Variants in PLVAP observed in about 807,000 individuals in gnomAD.
The protein encoded by PLVAP is plasmalemma vesicle-associated protein.
In PLVAP, 34 loss-of-function variants were observed where a neutral mutation model predicts 43.1. The ratio of observed to expected loss-of-function variants is 0.79; its 90% CI spans 0.60 to 1.05. The LOEUF is 1.05. Among genes scored for constraint, PLVAP ranks in the 50% least tolerant of loss-of-function variants. PLVAP has a pLI of 0.00. For missense variants in PLVAP, 574 were observed against 593.4 expected, an observed-to-expected ratio of 0.97 and a Z score of 0.34; for synonymous variants, 241 against 237.3, an observed-to-expected ratio of 1.02 and a Z score of -0.14.
At chr19:17,371,272 A>G (rs2074571087) in intron 1 of PLVAP, among the ~76,000 whole-genome samples, 1 of 149,662 alleles carries the variant, frequency 6.7e-6, no homozygotes, top group African/African-American at 2.5e-5. Flanking sequence ...AGTGATTCTC[A>G]TGCCTCAGCC....
Position 17,365,362 on chromosome 19 carries a change from T to C in PLVAP, c.1103A>G (p.Lys368Arg). The change falls in exon 3 of 6, where the codon AAG becomes AGG. Residue 368 changes from lysine to arginine, a missense_variant. Lys to Arg is a conservative substitution (Grantham distance 26, BLOSUM62 2). Transcript: ENST00000252590. ...RDNLAKELEEKKREAEQLRME... is the reference protein window; with the variant it reads ...RDNLAKELEERKREAEQLRME... The stretch of plus-strand genomic sequence containing the variant: ...CCTGAGCTGCTCCGCCTCCCTCTTC[T>C]TCTCTTCCAGCTCCTTGGCCAGGTT... 1 of 1,613,438 alleles carries C rather than the reference T, an allele frequency of 6.2e-7. No homozygotes were observed. The highest frequency in any genetic ancestry group is 1.6e-4 in the Middle Eastern group (1 of 6,062).
chr19:17,367,091 C>T (rs999562905), intron 1 of PLVAP, among the ~76,000 whole-genome samples: 3 of 151,410 alleles, frequency 2.0e-5, no homozygotes, highest in Non-Finnish European at 4.4e-5. Flanking sequence ...TACAGGTATG[C>T]GCCACCACTC....
intron 1 of PLVAP, among the ~76,000 whole-genome samples, chr19:17,373,305 C>T (rs558044167): frequency 9.2e-5 from 14 of 151,716 alleles, no homozygotes; most frequent in African/African-American, 2.4e-4. Context: ...TGCTTTGCCC[C>T]GGGGTTTTGG....
rs2074550042 is a variant in PLVAP, at chr19:17,366,312, G to T, written c.370-117C>A. The T allele has an allele frequency of 1.7e-5, 15 of 888,338 alleles. No individual in the cohort carries two copies. The South Asian group carries it at 2.3e-4, about 14-fold the overall frequency. The allele number at this position is 888,338 out of a possible 1,614,324, so 55.0% of individuals were successfully genotyped here. A position where few individuals can be genotyped will look rare whatever the true frequency, so the allele number is the denominator to read the frequency against. ...AGTGAGCTGAGTTCACAAGGGCATG[G>T]TCCCTTTATGAGGGAATGTTAGAAG... is the stretch of plus-strand genomic sequence containing the variant. On this transcript the variant is annotated intron_variant, in intron 1 of 5. Transcript: ENST00000252590.
chr19:17,352,350 C>T lies in PLVAP; in HGVS notation c.*12G>A, dbSNP rs374807851. The T allele has an allele frequency of 6.8e-6, 11 of 1,613,582 alleles. No homozygotes were observed. In the East Asian group the frequency reaches 8.9e-5, roughly 13 times the overall value. ...GTCGGGCCATCCCTTGGTCCTCAGG[C>T]CTGGAGCCTCCTCAGCCACTAGGGC... On this transcript the variant is annotated 3_prime_UTR_variant, in exon 6 of 6. Transcript: ENST00000252590.
chr19:17,361,955 G>A (rs1186848588), intron 3 of PLVAP, among the ~76,000 whole-genome samples: 5 of 151,880 alleles, frequency 3.3e-5, no homozygotes, highest in Admixed American at 6.6e-5. Flanking sequence ...GCCTGGTGGC[G>A]GGCACCTGTA....
chr19:17,375,648 G>A (rs531225531), intron 1 of PLVAP, among the ~76,000 whole-genome samples: 26 of 152,092 alleles, frequency 1.7e-4, no homozygotes, highest in African/African-American at 5.5e-4. Flanking sequence ...ATGGGAGGCC[G>A]AGGTGGGTGG....
intron 5 of PLVAP, among the ~76,000 whole-genome samples, chr19:17,356,973 C>G (rs2074509175): frequency 1.3e-5 from 2 of 151,046 alleles, no homozygotes; most frequent in Admixed American, 1.3e-4. Context: ...AACAAAAAAA[C>G]AAAAGAAGAA....
chr19:17,375,736 G>GC (rs1464051806), intron 1 of PLVAP, among the ~76,000 whole-genome samples: 3 of 152,110 alleles, frequency 2.0e-5, no homozygotes, highest in African/African-American at 7.2e-5. Flanking sequence ...ACAAAAATTA[G>GC]CTGGCATGGT....
At position 17,364,905 on chromosome 19, in the gene PLVAP, T is replaced by C. The variant is rs142057936; in HGVS notation, c.1179+381A>G. On this transcript the variant is annotated intron_variant, in intron 3 of 5. Transcript: ENST00000252590. ...CTCCTGCTTCAGCCTCCTGAGTAGC[T>C]GGGATTACAGGTGCCCGCCACCACG... Among the ~76,000 whole-genome samples, 387 of 151,486 alleles carry C rather than the reference T, an allele frequency of 2.6e-3. 4 individuals are homozygous for C. Among genetic ancestry groups the C allele is most frequent in the African/African-American group, 8.9e-3 (369 of 41,254 alleles).
chr19:17,357,444 CTT>C (rs1776860818), intron 5 of PLVAP, among the ~76,000 whole-genome samples: 1 of 152,074 alleles, frequency 6.6e-6, no homozygotes, highest in Non-Finnish European at 1.5e-5. Flanking sequence ...AGGAAGATCA[CTT>C]GAGGCCAGGA....
intron 1 of PLVAP, among the ~76,000 whole-genome samples, chr19:17,369,764 G>A (rs562456086): frequency 2.0e-5 from 3 of 151,480 alleles, no homozygotes; most frequent in African/African-American, 7.3e-5. Flanking sequence ...ACTTTGGGAG[G>A]CCAAGACAGG....
At chr19:17,368,855 G>A (rs74536269) in intron 1 of PLVAP, among the ~76,000 whole-genome samples, 31,880 of 152,050 alleles carry the variant, frequency 0.21, 3,885 homozygotes, top group East Asian at 0.34. Flanking sequence ...GTGGGCACCC[G>A]TAATCTCAGC....
chr19:17,370,446 A>G (rs904456497), intron 1 of PLVAP, among the ~76,000 whole-genome samples: 1 of 152,350 alleles, frequency 6.6e-6, no homozygotes, highest in Admixed American at 6.5e-5. Context: ...TACATAGAAC[A>G]TGATTCAGCC....
intron 5 of PLVAP, among the ~76,000 whole-genome samples, chr19:17,356,689 A>G (rs909481324): frequency 2.7e-5 from 4 of 147,250 alleles, no homozygotes; most frequent in South Asian, 2.4e-4. Context: ...GTCGGGTGTG[A>G]TGGCTCACGC....
Position 17,367,734 on chromosome 19 carries a change from G to T in PLVAP, c.370-1539C>A, listed in dbSNP as rs529293873. Reference sequence around the variant, plus strand: ...ATGGGGTTTCACTATGTTTACCAGGGTGGTGACGATCTCCCCCATCAGCCT... The same window carrying T: ...ATGGGGTTTCACTATGTTTACCAGGTTGGTGACGATCTCCCCCATCAGCCT... On this transcript the variant is annotated intron_variant, in intron 1 of 5. Coordinates refer to ENST00000252590, the MANE Select transcript of PLVAP (RefSeq NM_031310.3). Among the ~76,000 whole-genome samples the T allele has an allele frequency of 2.0e-5, 3 of 152,136 alleles. No individual in the cohort carries two copies. The East Asian group carries it at 5.8e-4, about 29-fold the overall frequency.
At chr19:17,356,282 C>G (rs1430375715) in intron 5 of PLVAP, among the ~76,000 whole-genome samples, 1 of 152,114 alleles carries the variant, frequency 6.6e-6, no homozygotes, top group Non-Finnish European at 1.5e-5. Context: ...TGCACTCCAG[C>G]CCAGCGACAG....
chr19:17,360,220 G>T (rs1475031148), intron 5 of PLVAP, among the ~76,000 whole-genome samples: 1 of 152,168 alleles, frequency 6.6e-6, no homozygotes, highest in African/African-American at 2.4e-5. Flanking sequence ...AAGATTACAT[G>T]AATTAATCTT....
intron 1 of PLVAP, among the ~76,000 whole-genome samples, chr19:17,366,628 C>T (rs371327072): frequency 6.9e-6 from 1 of 144,310 alleles, no homozygotes; most frequent in Non-Finnish European, 1.5e-5. Flanking sequence ...AACTGAATTT[C>T]TTTTTTTTTT....
Sources: gnomAD v4.1 joint callset for allele counts (sites outside exome capture counted in the v4.1 genomes callset) on GRCh38, gnomAD v4.1.1 for gene constraint, MANE v1.5 for transcripts, NCBI Gene and HGNC (gene_info 2026-07-23, HGNC 2026-07-21) for gene names.